KIF20B: variants seen among roughly 807,000 people sequenced by gnomAD.
The protein encoded by KIF20B is kinesin family member 20B, also known as kinesin-like protein KIF20B.
In KIF20B, 188 loss-of-function variants were observed where a neutral mutation model predicts 232.5. The observed-to-expected ratio is 0.81, with a 90% CI of 0.72 to 0.91. The LOEUF is 0.91. Ranked by LOEUF, KIF20B falls within the 40% of genes least tolerant of loss-of-function variation. KIF20B has a pLI of 0.00. For synonymous variants in KIF20B, 712 were observed against 683.0 expected (o/e 1.04, Z -0.66); for missense variants, 2,154 against 2,055.9 (o/e 1.05, Z -0.92).
intron 14 of KIF20B, 124 bp downstream of exon 14, chr10:89,724,227 T>C (rs1244220582): frequency 3.1e-6 from 3 of 976,054 alleles, no homozygotes; most frequent in Non-Finnish European, 2.8e-6. Context: ...TTATACAAGC[T>C]TGAAAATAGC....
chr10:89,714,457 A>G (rs1842897127), intron 7 of KIF20B, among the ~76,000 whole-genome samples: 1 of 152,112 alleles, frequency 6.6e-6, no homozygotes. Flanking sequence ...CAGCCTGACA[A>G]CAGAGTGAAA....
intron 26 of KIF20B, among the ~76,000 whole-genome samples, chr10:89,757,076 A>G (rs1319133109): frequency 1.4e-5 from 2 of 147,052 alleles, no homozygotes; most frequent in African/African-American, 5.0e-5. Context: ...ATATACACAC[A>G]TGACAATTGC....
In KIF20B at chr10:89,719,423, G is replaced by A. The variant is rs141485845; in HGVS notation, c.1439G>A (p.Cys480Tyr). ...LKFSAIAQKV[C>Y]VPDTLNSSQE... ...TCACATTGAATATTTTAACAGGTTTGTGTCCCAGACACTTTAAATTCCTCT... is the reference window on the plus strand; with the variant it reads ...TCACATTGAATATTTTAACAGGTTTATGTCCCAGACACTTTAAATTCCTCT... The change falls in exon 13 of 33, where the codon TGT becomes TAT. Residue 480 changes from cysteine to tyrosine, a missense_variant. By Grantham distance (194) the Cys-to-Tyr change is radical. Transcript: ENST00000371728. The A allele has an allele frequency of 1.8e-4, 279 of 1,559,334 alleles. No homozygotes were observed. The African/African-American group carries it at 2.6e-3, about 15-fold the overall frequency.
chr10:89,721,840 ATATTT>A (rs1401667952), intron 13 of KIF20B, among the ~76,000 whole-genome samples: 1 of 152,214 alleles, frequency 6.6e-6, no homozygotes, highest in African/African-American at 2.4e-5. Flanking sequence ...GATTGACTAA[ATATTT>A]TAAGGAAATT....
Position 89,726,487 on chromosome 10 carries a change from C to A in KIF20B, c.2196C>A (p.Ile732=), listed in dbSNP as rs1384448107. 5 of 1,602,084 alleles carry A rather than the reference C, an allele frequency of 3.1e-6. No individual in the cohort carries two copies. Among genetic ancestry groups the A allele is most frequent in the African/African-American group, 2.7e-5 (2 of 74,352 alleles). ...AELAKTKGEL[I]KTKEELKKRE... Reference sequence around the variant, plus strand: ...TAGCTAAAACCAAAGGAGAATTAATCAAAACCAAAGAAGAGTTAAAAAAGA... The same window carrying A: ...TAGCTAAAACCAAAGGAGAATTAATAAAAACCAAAGAAGAGTTAAAAAAGA... Residue 732 remains isoleucine, a synonymous_variant, in exon 16 of 33, where the codon ATC becomes ATA. Transcript: ENST00000371728.
At chr10:89,705,222 A>G (rs763993327) in intron 1 of KIF20B, 72 bp from the exon 2 acceptor site, 29 of 1,349,692 alleles carry the variant, frequency 2.1e-5, no homozygotes, top group Non-Finnish European at 2.7e-5. Context: ...AGTGGGCTAG[A>G]CTTTTGAAAG....
chr10:89,706,703 T>C (rs928032489), intron 2 of KIF20B, among the ~76,000 whole-genome samples: 1 of 152,054 alleles, frequency 6.6e-6, no homozygotes, highest in Non-Finnish European at 1.5e-5. Context: ...TTCCCTGTTG[T>C]TTTGGTGCTT....
chr10:89,770,443 A>G (rs1842440292), intron 31 of KIF20B, among the ~76,000 whole-genome samples: 1 of 152,036 alleles, frequency 6.6e-6, no homozygotes, highest in Non-Finnish European at 1.5e-5. Context: ...ATCTTTCTTT[A>G]GAGTCCTTTA....
intron 2 of KIF20B, among the ~76,000 whole-genome samples, chr10:89,707,839 A>G (rs1302421969): frequency 2.6e-5 from 4 of 152,144 alleles, no homozygotes; most frequent in Non-Finnish European, 5.9e-5. Context: ...GTTTGCATTC[A>G]TTACACTTTG....
intron 2 of KIF20B, 44 bp from the exon 3 acceptor site, chr10:89,709,123 C>T (rs755633032): frequency 1.2e-4 from 161 of 1,358,824 alleles, no homozygotes; most frequent in Non-Finnish European, 1.5e-4. Context: ...TCTGAAAAGC[C>T]GTATCTTTCA....
chr10:89,710,598 TA>T (rs919673489), intron 5 of KIF20B, among the ~76,000 whole-genome samples: 2 of 137,810 alleles, frequency 1.5e-5, no homozygotes, highest in African/African-American at 3.0e-5. Flanking sequence ...GATAGAGATT[TA>T]GATGATGATT....
In KIF20B at chr10:89,738,371, G is replaced by T; in HGVS notation, c.3530G>T (p.Cys1177Phe). 1 of 1,606,606 alleles carries T rather than the reference G, an allele frequency of 6.2e-7. No homozygotes were observed. Among genetic ancestry groups the T allele is most frequent in the Non-Finnish European group, 8.5e-7 (1 of 1,177,832 alleles). The change falls in exon 20 of 33, where the codon TGT (cysteine) becomes TTT (phenylalanine). Residue 1177 changes from cysteine to phenylalanine, a missense_variant. Physicochemically the swap from Cys to Phe is radical, Grantham distance 205 (BLOSUM62 -2). Transcript: ENST00000371728. ...ETILETQKVECSHSAKLEQDI... is the reference protein window; with the variant it reads ...ETILETQKVEFSHSAKLEQDI... ...ATTTTAGAGACTCAGAAAGTTGAATGTAGTCATTCAGCCAAGTTAGAACAA... is the reference window on the plus strand; with the variant it reads ...ATTTTAGAGACTCAGAAAGTTGAATTTAGTCATTCAGCCAAGTTAGAACAA...
At chr10:89,753,996 C>T (rs1385587598) in intron 25 of KIF20B, among the ~76,000 whole-genome samples, 1 of 151,834 alleles carries the variant, frequency 6.6e-6, no homozygotes, top group Non-Finnish European at 1.5e-5. Flanking sequence ...TTATTAAATG[C>T]CTCTGAACCC....
At chr10:89,704,029 G>A (rs987018956) in intron 1 of KIF20B, among the ~76,000 whole-genome samples, 3 of 152,184 alleles carry the variant, frequency 2.0e-5, no homozygotes, top group African/African-American at 7.2e-5. Flanking sequence ...GGGATTACAG[G>A]TGTGAGCCAC....
At chr10:89,727,694 A>T (rs940344023) in intron 16 of KIF20B, among the ~76,000 whole-genome samples, 162 bp from the exon 17 acceptor site, 2 of 150,810 alleles carry the variant, frequency 1.3e-5, no homozygotes, top group African/African-American at 4.9e-5. Flanking sequence ...GAATTAGCAG[A>T]TTTTTTTTTA....
At chr10:89,742,084 A>G (rs565842853) in intron 21 of KIF20B, among the ~76,000 whole-genome samples, 1 of 152,322 alleles carries the variant, frequency 6.6e-6, no homozygotes, top group South Asian at 2.1e-4. Context: ...TGAGGTTGCT[A>G]AGATCTATGG....
At chr10:89,772,573 A>C in intron 31 of KIF20B, 116 bp from the exon 32 acceptor site, 1 of 588,140 alleles carries the variant, frequency 1.7e-6, no homozygotes, top group South Asian at 3.1e-5. Context: ...CAGTGTTTTT[A>C]GTTTGTGTAT....
At position 89,774,132 on chromosome 10, in the gene KIF20B, A is replaced by G. The variant is rs1208714014; in HGVS notation, c.*84A>G. On this transcript the variant is annotated 3_prime_UTR_variant, in exon 33 of 33. Transcript: ENST00000371728. ...CTGTATTGTAAATATAAATGTATATATTATGCATTAAATCACTCTGCATAT... is the reference window on the plus strand; with the variant it reads ...CTGTATTGTAAATATAAATGTATATGTTATGCATTAAATCACTCTGCATAT... The G allele has an allele frequency of 4.0e-6, 3 of 753,576 alleles. No homozygotes were observed. The highest frequency in any genetic ancestry group is 2.5e-5 in the South Asian group (1 of 40,224). The allele number at this position is 753,576 out of a possible 1,614,324, so 46.7% of individuals were successfully genotyped here.
intron 13 of KIF20B, among the ~76,000 whole-genome samples, chr10:89,721,146 T>C (rs2133101400): frequency 6.6e-6 from 1 of 152,340 alleles, no homozygotes; most frequent in South Asian, 2.1e-4. Context: ...AGTACTCTTC[T>C]GGATTGCAGA....
Sources: allele counts gnomAD v4.1 joint callset (sites outside exome capture counted in the v4.1 genomes callset), GRCh38; gene constraint gnomAD v4.1.1; transcripts MANE v1.5; gene names NCBI Gene and HGNC (gene_info 2026-07-23, HGNC 2026-07-21).